HECTD4: variants seen among roughly 807,000 people sequenced by gnomAD.
The protein encoded by HECTD4 is probable E3 ubiquitin-protein ligase HECTD4.
A neutral mutation model predicts 471.5 loss-of-function variants in HECTD4; 114 were observed. The observed-to-expected ratio is 0.24, with a 90% confidence interval of 0.21 to 0.28. HECTD4 has a LOEUF of 0.28. HECTD4 is among the 10% of genes least tolerant of loss of function. HECTD4 has a pLI of 1.00. For synonymous variants in HECTD4, 2,012 were observed against 2,256.0 expected, an observed-to-expected ratio of 0.89 and a Z score of 3.07; for missense variants, 3,866 against 5,651.5, an observed-to-expected ratio of 0.68 and a Z score of 10.13.
intron 38 of HECTD4, 110 bp from the exon 39 acceptor site, chr12:112,231,825 T>A: frequency 2.3e-6 from 2 of 877,576 alleles, no homozygotes; most frequent in East Asian, 2.7e-5. Context: ...CATTTTTTTT[T>A]AATTCAAACA....
chr12:112,259,767 T>C (rs1417836509), intron 18 of HECTD4, among the ~76,000 whole-genome samples: 1 of 152,148 alleles, frequency 6.6e-6, no homozygotes, highest in Non-Finnish European at 1.5e-5. Context: ...GGCTACTACC[T>C]GTAAAGTTCT....
intron 8 of HECTD4, among the ~76,000 whole-genome samples, chr12:112,280,179 T>C (rs1178386881): frequency 3.3e-5 from 5 of 152,198 alleles, no homozygotes; most frequent in African/African-American, 1.2e-4. Flanking sequence ...ACAATATCTA[T>C]CACAAAACAA....
chr12:112,207,770 G>A (rs1402905816), intron 52 of HECTD4, 104 bp downstream of exon 52: 14 of 1,310,080 alleles, frequency 1.1e-5, no homozygotes, highest in Non-Finnish European at 1.5e-5. Flanking sequence ...GTTAAGTATG[G>A]TGCAACATTA....
Position 112,167,555 on chromosome 12 carries a change from G to C in HECTD4, c.12313-17C>G, listed in dbSNP as rs1472924625. The C allele has an allele frequency of 6.4e-7, 1 of 1,553,446 alleles. No individual in the cohort carries two copies. The highest frequency in any genetic ancestry group is 1.4e-5 in the African/African-American group (1 of 73,372). ...ATACTTGCCCTGGAAGTGGAGGTGGGCATGAGGTGACCTGGGCGTGGGCCT... is the reference window on the plus strand; with the variant it reads ...ATACTTGCCCTGGAAGTGGAGGTGGCCATGAGGTGACCTGGGCGTGGGCCT... On this transcript the variant is annotated splice_polypyrimidine_tract_variant and intron_variant, in intron 71 of 75. Transcript: ENST00000682272.
At chr12:112,321,538 TAAAGA>T (rs2035584012) in intron 1 of HECTD4, among the ~76,000 whole-genome samples, 1 of 152,136 alleles carries the variant, frequency 6.6e-6, no homozygotes, top group African/African-American at 2.4e-5. Flanking sequence ...GGGACAAAAG[TAAAGA>T]AAATTCTGCC....
At chr12:112,307,526 C>A (rs1296637378) in intron 6 of HECTD4, among the ~76,000 whole-genome samples, 1 of 152,190 alleles carries the variant, frequency 6.6e-6, no homozygotes, top group Non-Finnish European at 1.5e-5. Context: ...CTTATAACTT[C>A]TATTTCAAAT....
At chr12:112,336,454 C>T (rs966756254) in intron 1 of HECTD4, among the ~76,000 whole-genome samples, 10 of 151,226 alleles carry the variant, frequency 6.6e-5, no homozygotes, top group African/African-American at 9.7e-5. Flanking sequence ...ACCTGGGAGG[C>T]GGAGCTTGCA....
In HECTD4 at chr12:112,235,426, G is replaced by A. The variant is rs553373035; in HGVS notation, c.5725+78C>T. On this transcript the variant is annotated intron_variant, in intron 36 of 75. Coordinates refer to ENST00000682272, the MANE Select transcript of HECTD4 (RefSeq NM_001388303.1). This position sits in a 1 kb window ranked among gnomAD's most constrained non-coding sequence, Gnocchi z 5.0. ...GTCACTCACTCTTTCATCATAGGAA[G>A]CACAGATGCAAGGGGGACCTGACTG... 6.6e-7 allele frequency: 1 copy of A among 1,516,054 alleles called. No individual in the cohort carries two copies. Among genetic ancestry groups the A allele is most frequent in the African/African-American group, 1.4e-5 (1 of 72,280 alleles). The allele number at this position is 1,516,054 out of a possible 1,614,324, so 93.9% of individuals were successfully genotyped here. A position where few individuals can be genotyped will look rare whatever the true frequency, so the allele number is the denominator to read the frequency against.
chr12:112,190,680 G>C (rs2032047014), intron 60 of HECTD4, 106 bp downstream of exon 60: 1 of 970,186 alleles, frequency 1.0e-6, no homozygotes, highest in Non-Finnish European at 1.5e-6. Context: ...CAGCTGCCTG[G>C]GCTACCTGTG....
At chr12:112,273,820 A>G (rs763617535) in intron 10 of HECTD4, 25 bp from the exon 11 acceptor site, 35 of 1,610,648 alleles carry the variant, frequency 2.2e-5, no homozygotes, top group Non-Finnish European at 2.5e-5. Context: ...TACTGTATTC[A>G]GTCACCATGC....
chr12:112,226,879 C>A, intron 43 of HECTD4, 121 bp from the exon 44 acceptor site: 1 of 606,918 alleles, frequency 1.6e-6, no homozygotes, highest in East Asian at 2.8e-5. Flanking sequence ...TCAAACACCC[C>A]ACTCATCTTG....
intron 7 of HECTD4, among the ~76,000 whole-genome samples, chr12:112,293,510 C>T (rs1306387914): frequency 1.3e-5 from 2 of 151,938 alleles, no homozygotes; most frequent in Non-Finnish European, 2.9e-5. Context: ...CCACTGTACT[C>T]CAGCCTGGGC....
At chr12:112,341,529 C>A (rs2036054514) in intron 1 of HECTD4, among the ~76,000 whole-genome samples, 1 of 152,164 alleles carries the variant, frequency 6.6e-6, no homozygotes, top group Non-Finnish European at 1.5e-5. Flanking sequence ...CCCTTCCTGT[C>A]AATTCCTGCT....
rs771256812 is a variant in HECTD4 at position 112,162,546 on chromosome 12, C to T, written c.13121-23G>A. ...AACCTACAAGAAACCGAGCCAGCAT[C>T]AGAGGGTTGGGCCCACATCTGTGAG... On this transcript the variant is annotated intron_variant, in intron 75 of 75. Coordinates refer to ENST00000682272, the MANE Select transcript of HECTD4 (RefSeq NM_001388303.1). This position sits in a 1 kb window ranked among gnomAD's most constrained non-coding sequence, Gnocchi z 5.2. The T allele has an allele frequency of 3.7e-6, 6 of 1,613,818 alleles. No individual in the cohort carries two copies. In the African/African-American group the frequency reaches 4.0e-5, roughly 11 times the overall value.
Position 112,193,361 on chromosome 12 carries a change from G to T in HECTD4, c.8955+108C>A. ...AAAGCTTCTAGGAAAAGGAAATCGAGAGGAATAGGGACTTGGAAGGGAAAG... is the reference window on the plus strand; with the variant it reads ...AAAGCTTCTAGGAAAAGGAAATCGATAGGAATAGGGACTTGGAAGGGAAAG... On this transcript the variant is annotated intron_variant, in intron 57 of 75. Coordinates refer to ENST00000682272, the MANE Select transcript of HECTD4 (RefSeq NM_001388303.1). This position sits in a 1 kb window ranked among gnomAD's most constrained non-coding sequence, Gnocchi z 5.2. 2 of 1,340,346 alleles carry T rather than the reference G, an allele frequency of 1.5e-6. No individual in the cohort carries two copies. Among genetic ancestry groups the T allele is most frequent in the Middle Eastern group, 2.3e-4 (1 of 4,262 alleles). 83.0% of individuals were successfully genotyped at this position (1,340,346 alleles called of 1,614,324 possible).
At chr12:112,170,284 G>A in intron 69 of HECTD4, 49 bp downstream of exon 69, 2 of 1,603,158 alleles carry the variant, frequency 1.2e-6, no homozygotes, top group South Asian at 2.2e-5. Flanking sequence ...CCGCTAGTGT[G>A]TTTAGGCACT....
At chr12:112,261,141 A>G (rs1365532210) in intron 18 of HECTD4, among the ~76,000 whole-genome samples, 164 bp downstream of exon 18, 2 of 152,208 alleles carry the variant, frequency 1.3e-5, no homozygotes, top group East Asian at 3.9e-4. Context: ...CACATGAAAG[A>G]GTGTGACTGC....
intron 54 of HECTD4, 64 bp from the exon 55 acceptor site, chr12:112,200,862 TGC>T: frequency 2.1e-6 from 3 of 1,461,966 alleles, no homozygotes; most frequent in Non-Finnish European, 2.8e-6. Flanking sequence ...TGTGCGTGCG[TGC>T]GTGTGTGTGT....
At chr12:112,182,546 G>A (rs903119225) in intron 62 of HECTD4, among the ~76,000 whole-genome samples, 6 of 152,208 alleles carry the variant, frequency 3.9e-5, no homozygotes, top group Admixed American at 3.3e-4. Flanking sequence ...CTGTCCTCAA[G>A]CATATGATGA....
Sources: allele counts gnomAD v4.1 joint callset (sites outside exome capture counted in the v4.1 genomes callset), GRCh38; gene constraint gnomAD v4.1.1; non-coding constraint Gnocchi (gnomAD v3.1); transcripts MANE v1.5; gene names NCBI Gene and HGNC (gene_info 2026-07-23, HGNC 2026-07-21).